Variants in ZRANB3 observed in about 807,000 individuals in gnomAD.
ZRANB3 encodes DNA annealing helicase and endonuclease ZRANB3.
Under a neutral mutation model 133.8 loss-of-function variants are expected in ZRANB3, and 125 were observed. The ratio of observed to expected loss-of-function variants is 0.93; its 90% CI spans 0.81 to 1.08. ZRANB3 has a LOEUF of 1.08. ZRANB3 is among the 50% of genes least tolerant of loss of function. The probability of loss-of-function intolerance (pLI) is 0.00; values close to 1 mark genes in which losing one functional copy is unlikely to be tolerated. For missense variants in ZRANB3, 1,229 were observed against 1,275.5 expected, an observed-to-expected ratio of 0.96 and a Z score of 0.56; for synonymous variants, 387 against 432.7, an observed-to-expected ratio of 0.89 and a Z score of 1.31.
At chr2:135,393,309 A>AT (rs983059432) in intron 2 of ZRANB3, among the ~76,000 whole-genome samples, 3 of 152,030 alleles carry the variant, frequency 2.0e-5, no homozygotes, top group South Asian at 2.1e-4. Context: ...GAAAAACATG[A>AT]TTTTTTTTCC....
At chr2:135,511,321 A>G in intron 1 of ZRANB3, 4 of 880,290 alleles carry the variant, frequency 4.5e-6, no homozygotes, top group Non-Finnish European at 7.8e-6. Context: ...TGGATTTCAG[A>G]TACACATTCT....
chr2:135,390,765 A>ATGTTTTATG, intron 3 of ZRANB3, 37 bp downstream of exon 3: 1 of 1,558,282 alleles, frequency 6.4e-7, no homozygotes. Flanking sequence ...AAGCTGTGTA[A>ATGTTTTATG]TCTTATAAAA....
chr2:135,422,548 T>TAA (rs1688909344), intron 2 of ZRANB3, among the ~76,000 whole-genome samples: 1 of 151,860 alleles, frequency 6.6e-6, no homozygotes, highest in Non-Finnish European at 1.5e-5. Flanking sequence ...AAAAAGCAAG[T>TAA]AAATTCCAGA....
chr2:135,409,263 C>G (rs1688194797), intron 2 of ZRANB3, among the ~76,000 whole-genome samples: 2 of 152,140 alleles, frequency 1.3e-5, no homozygotes, highest in Admixed American at 1.3e-4. Context: ...AATGATCCAC[C>G]CTCATGATCC....
At chr2:135,395,743 C>A (rs145326991) in intron 2 of ZRANB3, among the ~76,000 whole-genome samples, 11 of 152,122 alleles carry the variant, frequency 7.2e-5, no homozygotes, top group Non-Finnish European at 1.5e-4. Context: ...CAGGGGTGAA[C>A]CACGGTGCCT....
chr2:135,520,082 CTT>C (rs60682356), intron 1 of ZRANB3, among the ~76,000 whole-genome samples: 24,362 of 143,532 alleles, frequency 0.17, 2,395 homozygotes, highest in South Asian at 0.33. Flanking sequence ...CACTTAAATT[CTT>C]TTTTTTTTTT....
intron 8 of ZRANB3, among the ~76,000 whole-genome samples, chr2:135,304,153 A>G (rs1573873153): frequency 6.6e-6 from 1 of 152,302 alleles, no homozygotes; most frequent in East Asian, 1.9e-4. Flanking sequence ...GGAAGTGATG[A>G]GGAAAGGCTC....
intron 3 of ZRANB3, among the ~76,000 whole-genome samples, chr2:135,384,537 C>T (rs1021442283): frequency 7.9e-5 from 12 of 152,102 alleles, no homozygotes; most frequent in African/African-American, 2.9e-4. Context: ...AGAGACACAA[C>T]AAGAAAAGAG....
intron 2 of ZRANB3, among the ~76,000 whole-genome samples, chr2:135,403,522 C>A (rs6709525): frequency 6.8e-4 from 103 of 152,232 alleles, no homozygotes; most frequent in African/African-American, 2.3e-3. Flanking sequence ...ACTCCACCTC[C>A]GGGGCAGGGC....
At chr2:135,296,336 C>T (rs1479137508) in intron 8 of ZRANB3, among the ~76,000 whole-genome samples, 1 of 152,106 alleles carries the variant, frequency 6.6e-6, no homozygotes, top group African/African-American at 2.4e-5. Flanking sequence ...TTTGATCTTC[C>T]ATCGCTGATA....
chr2:135,399,678 A>G (rs1338247216), intron 2 of ZRANB3, among the ~76,000 whole-genome samples: 1 of 152,188 alleles, frequency 6.6e-6, no homozygotes, highest in African/African-American at 2.4e-5. Flanking sequence ...ATTGCTTAGT[A>G]TTCTATGTTT....
In ZRANB3 at chr2:135,235,890, C is replaced by T. The variant is rs577790819; in HGVS notation, c.1540-4963G>A. 7.7e-4 allele frequency among the ~76,000 whole-genome samples: 116 copies of T among 151,566 alleles called. 1 individual carries two copies. Among genetic ancestry groups the T allele is most frequent in the African/African-American group, 2.5e-3 (102 of 41,260 alleles). ...TGAAAACTGGCACAAGACAGGGATGCCCTGTCTCACCACTCCTATTCAACA... is the reference window on the plus strand; with the variant it reads ...TGAAAACTGGCACAAGACAGGGATGTCCTGTCTCACCACTCCTATTCAACA... On this transcript the variant is annotated intron_variant, in intron 12 of 20. Transcript: ENST00000264159.
intron 2 of ZRANB3, among the ~76,000 whole-genome samples, chr2:135,500,756 TAAAAA>T (rs760594100): frequency 1.4e-5 from 1 of 73,672 alleles, no homozygotes; most frequent in Non-Finnish European, 2.9e-5. Context: ...TACATATCAG[TAAAAA>T]AAAAAAAAAA....
chr2:135,388,936 G>T (rs1687102315), intron 3 of ZRANB3, among the ~76,000 whole-genome samples: 1 of 152,052 alleles, frequency 6.6e-6, no homozygotes, highest in South Asian at 2.1e-4. Flanking sequence ...AAATTAGCCG[G>T]GTGTGGTGGC....
At chr2:135,410,786 T>C (rs969859781) in intron 2 of ZRANB3, among the ~76,000 whole-genome samples, 5 of 152,022 alleles carry the variant, frequency 3.3e-5, no homozygotes, top group South Asian at 4.1e-4. Flanking sequence ...AACAACCCCA[T>C]TGAAAAGTGG....
At chr2:135,390,762 G>A in intron 3 of ZRANB3, 40 bp downstream of exon 3, 4 of 1,457,944 alleles carry the variant, frequency 2.7e-6, no homozygotes, top group Non-Finnish European at 3.7e-6. Flanking sequence ...AACAAGCTGT[G>A]TAATCTTATA....
chr2:135,514,345 G>A (rs1225701638), intron 1 of ZRANB3, among the ~76,000 whole-genome samples: 2 of 152,126 alleles, frequency 1.3e-5, no homozygotes, highest in Non-Finnish European at 2.9e-5. Flanking sequence ...TCTCCTTGAA[G>A]AGGTCCTTCA....
chr2:135,510,056 A>G (rs1419136885), intron 1 of ZRANB3, among the ~76,000 whole-genome samples: 3 of 152,204 alleles, frequency 2.0e-5, no homozygotes, highest in Non-Finnish European at 4.4e-5. Context: ...TCCACACCAG[A>G]AAGTGGTTGT....
chr2:135,272,213 T>C (rs527251756), intron 9 of ZRANB3, among the ~76,000 whole-genome samples: 1 of 152,324 alleles, frequency 6.6e-6, no homozygotes, highest in East Asian at 1.9e-4. Context: ...TTGTCTTCAG[T>C]AAAATTCTAC....
Sources: gnomAD v4.1 joint callset for allele counts (sites outside exome capture counted in the v4.1 genomes callset) on GRCh38, gnomAD v4.1.1 for gene constraint, MANE v1.5 for transcripts, NCBI Gene and HGNC (gene_info 2026-07-23, HGNC 2026-07-21) for gene names.